STXBP5: variants seen among roughly 807,000 people sequenced by gnomAD.
STXBP5 encodes the protein syntaxin-binding protein 5.
A neutral mutation model predicts 152.4 loss-of-function variants in STXBP5; 50 were observed. The observed-to-expected ratio is 0.33, with a 90% CI of 0.26 to 0.42. The LOEUF (loss-of-function observed/expected upper bound fraction) is 0.42. Ranked by LOEUF, STXBP5 falls within the 10% of genes least tolerant of loss-of-function variation. STXBP5 has a pLI of 1.00. For missense variants in STXBP5, 1,167 were observed against 1,388.6 expected (o/e 0.84, Z 2.54); for synonymous variants, 492 against 494.7 (o/e 0.99, Z 0.07).
At chr6:147,324,628 C>T (rs978910927) in intron 16 of STXBP5, among the ~76,000 whole-genome samples, 1 of 151,896 alleles carries the variant, frequency 6.6e-6, no homozygotes, top group Non-Finnish European at 1.5e-5. Flanking sequence ...TTTTTCTCTT[C>T]TTAATCCTTG....
chr6:147,337,673 G>C (rs1783897842), intron 19 of STXBP5, among the ~76,000 whole-genome samples: 1 of 151,784 alleles, frequency 6.6e-6, no homozygotes, highest in Admixed American at 6.6e-5. Flanking sequence ...CTATTTTGTA[G>C]AGATAGTGAT....
intron 2 of STXBP5, among the ~76,000 whole-genome samples, chr6:147,230,241 G>C (rs1777928966): frequency 1.3e-5 from 2 of 151,780 alleles, no homozygotes. Flanking sequence ...AGTAGCTGTA[G>C]GCTTTAAAAT....
chr6:147,357,446 T>G (rs2128410463), intron 22 of STXBP5, among the ~76,000 whole-genome samples: 1 of 152,208 alleles, frequency 6.6e-6, no homozygotes, highest in South Asian at 2.1e-4. Flanking sequence ...ATTAAAGATA[T>G]TTTGTGAAGA....
Position 147,310,120 on chromosome 6 carries a change from T to C in STXBP5, c.954T>C (p.Tyr318=), listed in dbSNP as rs773559314. The C allele has an allele frequency of 1.3e-6, 2 of 1,581,096 alleles. No individual in the cohort carries two copies. Among genetic ancestry groups the C allele is most frequent in the Non-Finnish European group, 1.7e-6 (2 of 1,168,472 alleles). ...TTATTTTATCAGGAGGTTTGTCATA[T>C]GATACTGTAGGAAGAAGACCTTGCT... ...PFIILSGGLS[Y]DTVGRRPCLT... is the part of the protein sequence containing the mutation. The change falls in exon 10 of 28, where the codon TAT becomes TAC. Residue 318 remains tyrosine, a synonymous_variant. Transcript: ENST00000321680.
At chr6:147,317,663 C>T (rs182063315) in intron 16 of STXBP5, among the ~76,000 whole-genome samples, 3 of 152,232 alleles carry the variant, frequency 2.0e-5, no homozygotes, top group East Asian at 3.9e-4. Context: ...CTACATTTCT[C>T]AGAAAGGTAT....
At chr6:147,289,801 T>A (rs1781186585) in intron 8 of STXBP5, among the ~76,000 whole-genome samples, 1 of 151,760 alleles carries the variant, frequency 6.6e-6, no homozygotes, top group Admixed American at 6.6e-5. Flanking sequence ...GATAGAACTA[T>A]AAATTGGCAC....
chr6:147,298,851 G>A (rs1278946242), intron 9 of STXBP5, among the ~76,000 whole-genome samples: 1 of 151,976 alleles, frequency 6.6e-6, no homozygotes. Context: ...AAAATTTGTA[G>A]CAATAAATAC....
intron 22 of STXBP5, among the ~76,000 whole-genome samples, chr6:147,354,791 G>A (rs1044618106): frequency 1.3e-5 from 2 of 152,096 alleles, no homozygotes; most frequent in Non-Finnish European, 2.9e-5. Context: ...GGTTTAGCTA[G>A]CATGCCCATG....
chr6:147,243,257 G>A (rs1307513043), intron 4 of STXBP5, among the ~76,000 whole-genome samples: 1 of 152,124 alleles, frequency 6.6e-6, no homozygotes, highest in Admixed American at 6.5e-5. Context: ...ATTTGGTATT[G>A]CCAGTTAATG....
At chr6:147,272,607 G>T (rs1780228763) in intron 7 of STXBP5, among the ~76,000 whole-genome samples, 1 of 152,022 alleles carries the variant, frequency 6.6e-6, no homozygotes, top group Non-Finnish European at 1.5e-5. Flanking sequence ...AAAAATTTAA[G>T]ATTTTGACAA....
intron 13 of STXBP5, 108 bp from the exon 14 acceptor site, chr6:147,314,488 T>A: frequency 2.2e-6 from 3 of 1,349,632 alleles, no homozygotes; most frequent in East Asian, 4.8e-5. Flanking sequence ...TTTACCCTGA[T>A]TTTTTTTACC....
intron 9 of STXBP5, among the ~76,000 whole-genome samples, chr6:147,302,109 T>G (rs1362755169): frequency 6.6e-6 from 1 of 152,216 alleles, no homozygotes; most frequent in African/African-American, 2.4e-5. Flanking sequence ...TTCTAGGCTA[T>G]TCCCTATATT....
intron 4 of STXBP5, among the ~76,000 whole-genome samples, chr6:147,257,880 C>T (rs1310088305): frequency 6.6e-6 from 1 of 152,118 alleles, no homozygotes; most frequent in East Asian, 1.9e-4. Flanking sequence ...CAACCTGGGT[C>T]GGCTCAGCAG....
intron 3 of STXBP5, among the ~76,000 whole-genome samples, chr6:147,236,389 G>A (rs1054186245): frequency 1.3e-5 from 2 of 152,004 alleles, no homozygotes; most frequent in Non-Finnish European, 2.9e-5. Flanking sequence ...TTTAAATAAT[G>A]TTTTATTATG....
intron 2 of STXBP5, among the ~76,000 whole-genome samples, chr6:147,234,918 C>T (rs1778192526): frequency 6.6e-6 from 1 of 151,952 alleles, no homozygotes; most frequent in South Asian, 2.1e-4. Context: ...ATCCAACCAC[C>T]TTTTGTCTTC....
intron 4 of STXBP5, among the ~76,000 whole-genome samples, chr6:147,260,160 T>A (rs564872249): frequency 6.6e-6 from 1 of 152,266 alleles, no homozygotes; most frequent in East Asian, 1.9e-4. Context: ...GAATTGAATC[T>A]TTGAAGAGAA....
chr6:147,269,429 G>T (rs912334386), intron 7 of STXBP5, among the ~76,000 whole-genome samples: 7 of 152,044 alleles, frequency 4.6e-5, no homozygotes, highest in African/African-American at 1.7e-4. Context: ...AGAAGAATAT[G>T]AATAGTAGCC....
intron 21 of STXBP5, among the ~76,000 whole-genome samples, chr6:147,342,807 T>C (rs1005622457): frequency 6.6e-6 from 1 of 152,160 alleles, no homozygotes; most frequent in Non-Finnish European, 1.5e-5. Context: ...GATATCCTTA[T>C]GAATAAAATA....
chr6:147,356,502 T>G lies in STXBP5; in HGVS notation c.2306-2582T>G, dbSNP rs142673067. Among the ~76,000 whole-genome samples, 17 of 151,932 alleles carry G rather than the reference T, an allele frequency of 1.1e-4. No homozygotes were observed. The East Asian group carries it at 2.9e-3, about 26-fold the overall frequency. ...ATTTCAAACTGTATTGAGGTGTTGA[T>G]TATGGAAAGTTGTTTCATTTATAGT... On this transcript the variant is annotated intron_variant, in intron 22 of 27. Transcript: ENST00000321680.
Sources: allele counts gnomAD v4.1 joint callset (sites outside exome capture counted in the v4.1 genomes callset), GRCh38; gene constraint gnomAD v4.1.1; transcripts MANE v1.5; gene names NCBI Gene and HGNC (gene_info 2026-07-23, HGNC 2026-07-21).